Variants in ITPRID1 observed in about 807,000 individuals in gnomAD.
The protein encoded by ITPRID1 is ITPR interacting domain containing 1, also known as protein ITPRID1.
Under a neutral mutation model 95.4 loss-of-function variants are expected in ITPRID1, and 96 were observed. The ratio of observed to expected loss-of-function variants is 1.01; its 90% confidence interval spans 0.85 to 1.19. The LOEUF is 1.19. ITPRID1 is among the 50% of genes most tolerant of loss of function. ITPRID1 has a pLI of 0.00. For missense variants in ITPRID1, 1,339 were observed against 1,252.9 expected, an observed-to-expected ratio of 1.07 and a Z score of -1.04; for synonymous variants, 510 against 453.6, an observed-to-expected ratio of 1.12 and a Z score of -1.58.
chr7:31,618,854 T>C (rs951055375), intron 10 of ITPRID1, among the ~76,000 whole-genome samples: 5 of 152,242 alleles, frequency 3.3e-5, no homozygotes, highest in Non-Finnish European at 5.9e-5. Context: ...GTTGTGATTA[T>C]CACTTTATTA....
intron 10 of ITPRID1, among the ~76,000 whole-genome samples, chr7:31,641,294 A>G (rs1268532795): frequency 6.6e-6 from 1 of 152,150 alleles, no homozygotes; most frequent in Non-Finnish European, 1.5e-5. Flanking sequence ...GTATCTATGG[A>G]CAATCAACTG....
chr7:31,582,188 G>A (rs558859316), intron 9 of ITPRID1, among the ~76,000 whole-genome samples: 3 of 152,250 alleles, frequency 2.0e-5, no homozygotes, highest in African/African-American at 7.2e-5. Flanking sequence ...CATTCCAACA[G>A]TGGGAGAATT....
intron 5 of ITPRID1, 85 bp downstream of exon 5, chr7:31,554,986 A>G (rs1784401988): frequency 2.0e-6 from 2 of 1,014,356 alleles, no homozygotes; most frequent in Non-Finnish European, 3.0e-6. Context: ...TCTTAAAATG[A>G]GCATTATCAG....
At position 31,637,315 on chromosome 7, in the gene ITPRID1, G is replaced by A. The variant is rs570846213; in HGVS notation, c.1229-4861G>A. Among the ~76,000 whole-genome samples, 577 of 152,238 alleles carry A rather than the reference G, an allele frequency of 3.8e-3. 5 individuals carry two copies. Among genetic ancestry groups the A allele is most frequent in the African/African-American group, 0.013 (537 of 41,542 alleles). The stretch of plus-strand genomic sequence containing the variant: ...TAGATCCCTGAGGAATCGCCACACT[G>A]ACTTCCACAATGGTTGAACTAGTTT... On this transcript the variant is annotated intron_variant, in intron 10 of 14. Transcript: ENST00000615280.
chr7:31,553,176 TC>T lies in ITPRID1; in HGVS notation c.156del (p.Met53CysfsTer44), dbSNP rs1474903001. 6.3e-7 allele frequency: 1 copy of T among 1,579,606 alleles called. No individual in the cohort carries two copies. Among genetic ancestry groups the T allele is most frequent in the East Asian group, 2.3e-5 (1 of 43,196 alleles). On this transcript the variant is annotated frameshift_variant, in exon 3 of 15. Coordinates refer to ENST00000615280, the MANE Select transcript of ITPRID1 (RefSeq NM_001257967.3). LOFTEE classifies it high-confidence loss of function. ...DPEEESQSLTIPMLEDSKQES... is the reference protein window; with the variant it reads ...DPEEESQSLTXPMLEDSKQES... ...GAGGAGGAAAGCCAGAGTCTCACCATCCCCATGCTGGGTGAGAAGGACTCTC... is the reference window on the plus strand; with the variant it reads ...GAGGAGGAAAGCCAGAGTCTCACCATCCCATGCTGGGTGAGAAGGACTCTC...
At chr7:31,527,523 A>G in intron 1 of ITPRID1, among the ~76,000 whole-genome samples, 1 of 151,988 alleles carries the variant, frequency 6.6e-6, no homozygotes, top group Non-Finnish European at 1.5e-5. Context: ...TTTCAATCTC[A>G]CCTTTTGTCA....
At chr7:31,600,791 C>CG (rs1786361662) in intron 10 of ITPRID1, among the ~76,000 whole-genome samples, 1 of 152,126 alleles carries the variant, frequency 6.6e-6, no homozygotes, top group Non-Finnish European at 1.5e-5. Flanking sequence ...ATTTTTGTCT[C>CG]TCAACATGCA....
At chr7:31,521,579 G>A (rs187369416) in intron 1 of ITPRID1, among the ~76,000 whole-genome samples, 11 of 152,008 alleles carry the variant, frequency 7.2e-5, no homozygotes, top group South Asian at 2.1e-4. Flanking sequence ...GAATGTGTCC[G>A]AGGAAAGTTG....
intron 10 of ITPRID1, among the ~76,000 whole-genome samples, chr7:31,599,641 CTTTCTTTTT>C (rs1562598813): frequency 0.035 from 1,910 of 54,680 alleles, 87 homozygotes; most frequent in African/African-American, 0.061. Context: ...TTCTTTCTTT[CTTTCTTTTT>C]CTTTCTTTCC....
intron 10 of ITPRID1, among the ~76,000 whole-genome samples, chr7:31,634,487 C>T (rs1283278084): frequency 2.6e-5 from 4 of 152,104 alleles, no homozygotes; most frequent in Admixed American, 6.5e-5. Context: ...AGGGGACAGA[C>T]TCAGAGAGAG....
intron 12 of ITPRID1, among the ~76,000 whole-genome samples, chr7:31,645,223 G>T (rs1004768883): frequency 6.6e-6 from 1 of 152,126 alleles, no homozygotes; most frequent in Non-Finnish European, 1.5e-5. Context: ...TGTAAGTGTA[G>T]AATTAACATT....
At chr7:31,552,559 G>A (rs1784315854) in intron 2 of ITPRID1, among the ~76,000 whole-genome samples, 1 of 152,306 alleles carries the variant, frequency 6.6e-6, no homozygotes, top group African/African-American at 2.4e-5. Context: ...CACACAACAA[G>A]TTGCAGAAAT....
intron 5 of ITPRID1, among the ~76,000 whole-genome samples, chr7:31,559,700 A>C (rs1023645662): frequency 6.6e-6 from 1 of 152,134 alleles, no homozygotes; most frequent in Non-Finnish European, 1.5e-5. Flanking sequence ...ATTATACTAC[A>C]TGACTATCAT....
chr7:31,532,065 A>C (rs1172511499), intron 1 of ITPRID1, among the ~76,000 whole-genome samples: 1 of 152,164 alleles, frequency 6.6e-6, no homozygotes, highest in Non-Finnish European at 1.5e-5. Context: ...ATCCTGATCC[A>C]CCAAGAGAGT....
At chr7:31,618,288 A>G (rs566564065) in intron 10 of ITPRID1, among the ~76,000 whole-genome samples, 1 of 152,276 alleles carries the variant, frequency 6.6e-6, no homozygotes, top group South Asian at 2.1e-4. Context: ...AATACCCCAT[A>G]AAAAGTAATT....
intron 10 of ITPRID1, among the ~76,000 whole-genome samples, chr7:31,611,777 T>C (rs1786879708): frequency 6.6e-6 from 1 of 152,026 alleles, no homozygotes; most frequent in African/African-American, 2.4e-5. Context: ...TTTATCTTGC[T>C]GCTTACAAGA....
chr7:31,658,341 A>AT (rs573346598), downstream of ITPRID1: 26 of 1,523,404 alleles, frequency 1.7e-5, no homozygotes, highest in South Asian at 2.7e-4. Flanking sequence ...CTAAAGATGA[A>AT]AAAATAAAAT....
At chr7:31,535,837 T>G (rs904854419) in intron 1 of ITPRID1, among the ~76,000 whole-genome samples, 6 of 152,108 alleles carry the variant, frequency 3.9e-5, no homozygotes, top group African/African-American at 1.4e-4. Flanking sequence ...TTGCTCCTGA[T>G]AAGAGATCAA....
At chr7:31,617,113 G>C (rs969190305) in intron 10 of ITPRID1, among the ~76,000 whole-genome samples, 1 of 152,148 alleles carries the variant, frequency 6.6e-6, no homozygotes, top group Non-Finnish European at 1.5e-5. Flanking sequence ...GGGTGAGCTC[G>C]TCCCGGTATA....
Sources: allele counts gnomAD v4.1 joint callset (sites outside exome capture counted in the v4.1 genomes callset), GRCh38; gene constraint gnomAD v4.1.1; transcripts MANE v1.5; gene names NCBI Gene and HGNC (gene_info 2026-07-23, HGNC 2026-07-21).